PRKCB: variants seen among roughly 807,000 people sequenced by gnomAD.
PRKCB encodes the protein protein kinase C beta type.
In PRKCB, 13 loss-of-function variants were observed where a neutral mutation model predicts 81.5. The ratio of observed to expected loss-of-function variants is 0.16; its 90% CI spans 0.10 to 0.25. The LOEUF (loss-of-function observed/expected upper bound fraction) is 0.25. Among genes scored for constraint, PRKCB ranks in the 10% least tolerant of loss-of-function variants. The probability of loss-of-function intolerance (pLI) is 1.00; values close to 1 mark genes in which losing one functional copy is unlikely to be tolerated. For synonymous variants in PRKCB, 335 were observed against 321.4 expected (o/e 1.04, Z -0.45); for missense variants, 509 against 875.7 (o/e 0.58, Z 5.29).
intron 7 of PRKCB, among the ~76,000 whole-genome samples, chr16:24,108,631 T>A (rs919065612): frequency 2.0e-5 from 3 of 149,964 alleles, no homozygotes; most frequent in Non-Finnish European, 3.0e-5. Context: ...CAACCCTGAG[T>A]GGACACAGCA....
chr16:24,154,041 A>T (rs1018589978), intron 9 of PRKCB, among the ~76,000 whole-genome samples: 2 of 152,260 alleles, frequency 1.3e-5, no homozygotes, highest in Non-Finnish European at 2.9e-5. Flanking sequence ...CTCTTGGGTT[A>T]CACCAGTAAA....
intron 7 of PRKCB, 145 bp downstream of exon 7, chr16:24,094,442 T>TCCA: frequency 8.5e-7 from 1 of 1,177,268 alleles, no homozygotes; most frequent in Non-Finnish European, 1.2e-6. Flanking sequence ...GCCTTGCAGA[T>TCCA]ATGTTTTGTT....
At position 24,020,621 on chromosome 16, in the gene PRKCB, G is replaced by C. The variant is rs1965345110; in HGVS notation, c.289-11515G>C. Among the ~76,000 whole-genome samples the C allele has an allele frequency of 2.0e-5, 3 of 152,204 alleles. No individual in the cohort carries two copies. In the South Asian group the frequency reaches 6.2e-4, roughly 31 times the overall value. On this transcript the variant is annotated intron_variant, in intron 3 of 16. Transcript: ENST00000643927. ...TTATGGCTGAGGAACCAGAGACTCA[G>C]GGTGGTTAAGTCACTTCCCTGAGGT...
intron 7 of PRKCB, among the ~76,000 whole-genome samples, chr16:24,095,123 T>C (rs1000626326): frequency 6.6e-6 from 1 of 152,156 alleles, no homozygotes; most frequent in South Asian, 2.1e-4. Flanking sequence ...CTAAACTACA[T>C]GATGAGACTG....
chr16:24,008,417 T>C (rs979768848), intron 3 of PRKCB, among the ~76,000 whole-genome samples: 2 of 152,248 alleles, frequency 1.3e-5, no homozygotes, highest in African/African-American at 4.8e-5. Context: ...CAGGATCAAA[T>C]TGGCCTCTTC....
intron 11 of PRKCB, among the ~76,000 whole-genome samples, chr16:24,173,061 G>A (rs760543228): frequency 4.6e-5 from 7 of 151,954 alleles, no homozygotes; most frequent in East Asian, 1.9e-4. Context: ...TTCTGACCCC[G>A]GTTTTTCTTT....
intron 5 of PRKCB, among the ~76,000 whole-genome samples, chr16:24,067,565 C>A (rs950583719): frequency 1.3e-5 from 2 of 152,140 alleles, no homozygotes; most frequent in African/African-American, 4.8e-5. Flanking sequence ...TGTCAAAGTG[C>A]TGAGATTACA....
Position 24,191,114 on chromosome 16 carries a change from C to T in PRKCB, c.1747C>T (p.Arg583Cys), listed in dbSNP as rs868049690. 1 of 1,613,990 alleles carries T rather than the reference C, an allele frequency of 6.2e-7. No individual in the cohort carries two copies. The highest frequency in any genetic ancestry group is 8.5e-7 in the Non-Finnish European group (1 of 1,179,922). Reference sequence around the variant, plus strand: ...GCTGATGACCAAACACCCAGGCAAACGTCTGGGTTGTGGACCTGAAGGCGA... The same window carrying T: ...GCTGATGACCAAACACCCAGGCAAATGTCTGGGTTGTGGACCTGAAGGCGA... ...KGLMTKHPGKRLGCGPEGERD... is the reference protein window; with the variant it reads ...KGLMTKHPGKCLGCGPEGERD... The change falls in exon 16 of 17, where the codon CGT (arginine) becomes TGT (cysteine). Residue 583 changes from arginine (R) to cysteine (C), a missense_variant. Around this residue, in one of 6 missense-constraint regions of PRKCB, gnomAD observed 104 missense variants for 160.5 expected, o/e 0.65. Transcript: ENST00000643927.
At chr16:23,879,595 G>A (rs989518811) in intron 2 of PRKCB, among the ~76,000 whole-genome samples, 3 of 144,732 alleles carry the variant, frequency 2.1e-5, no homozygotes, top group Non-Finnish European at 4.5e-5. Context: ...CCCAGTTCAA[G>A]TGATTCTCCA....
At chr16:23,859,899 A>AAG (rs1962635048) in intron 2 of PRKCB, among the ~76,000 whole-genome samples, 1 of 114,826 alleles carries the variant, frequency 8.7e-6, no homozygotes, top group African/African-American at 3.2e-5. Flanking sequence ...GAGAGAGAGA[A>AAG]AGAGAGAGAG....
At chr16:24,008,798 G>A (rs1402474587) in intron 3 of PRKCB, among the ~76,000 whole-genome samples, 2 of 152,104 alleles carry the variant, frequency 1.3e-5, no homozygotes, top group East Asian at 3.9e-4. Flanking sequence ...AGATCTCTGG[G>A]GCTTATTCAT....
intron 4 of PRKCB, among the ~76,000 whole-genome samples, chr16:24,034,158 C>T: frequency 6.6e-6 from 1 of 152,182 alleles, no homozygotes; most frequent in East Asian, 1.9e-4. Context: ...ACACATGGGG[C>T]CCTAATATAG....
chr16:24,019,628 G>A (rs879530215), intron 3 of PRKCB, among the ~76,000 whole-genome samples: 1 of 152,062 alleles, frequency 6.6e-6, no homozygotes, highest in Non-Finnish European at 1.5e-5. Context: ...GCTAGGCATG[G>A]TAGCGTGCAC....
At chr16:24,113,790 T>A (rs1966706694) in intron 8 of PRKCB, among the ~76,000 whole-genome samples, 1 of 152,136 alleles carries the variant, frequency 6.6e-6, no homozygotes, top group Admixed American at 6.5e-5. Context: ...CCCAATTAAA[T>A]GCCCTTGCCT....
In PRKCB at chr16:24,216,313, C is replaced by T. The variant is rs1968227560; in HGVS notation, c.*1497C>T. On this transcript the variant is annotated 3_prime_UTR_variant, in exon 17 of 17. Transcript: ENST00000643927. ...TTCTTATCAAAATCACCACTCCTCC[C>T]AGCTTGGACTAAATATTCTTTCTAG... 2.0e-6 allele frequency: 2 copies of T among 985,294 alleles called. No homozygotes were observed. Among genetic ancestry groups the T allele is most frequent in the African/African-American group, 1.7e-5 (1 of 57,224 alleles). The allele number at this position is 985,294 out of a possible 1,614,324, so 61.0% of individuals were successfully genotyped here.
intron 2 of PRKCB, among the ~76,000 whole-genome samples, chr16:23,870,957 C>T (rs1261449040): frequency 2.0e-5 from 3 of 152,194 alleles, no homozygotes; most frequent in Non-Finnish European, 4.4e-5. Flanking sequence ...TGTGTGTTAG[C>T]TGGAGCAATA....
rs1266798276 is a variant in PRKCB, at chr16:23,988,590, T to C, written c.288T>C (p.Asp96=). 3 of 1,613,516 alleles carry C rather than the reference T, an allele frequency of 1.9e-6. No homozygotes were observed. The highest frequency in any genetic ancestry group is 1.1e-5 in the South Asian group (1 of 91,070). ...CPGADKGPAS[D]DPRSKHKFKI... is the part of the protein sequence containing the mutation. ...GCGCTGACAAGGGTCCAGCCTCCGA[T>C]GTAAGTAATGGGCATCGATTGCTTT... is the stretch of plus-strand genomic sequence containing the variant. Residue 96 remains aspartate, a splice_region_variant and synonymous_variant, in exon 3 of 17, where the codon GAT becomes GAC. Transcript: ENST00000643927.
At chr16:24,105,727 T>C (rs1966568323) in intron 7 of PRKCB, among the ~76,000 whole-genome samples, 1 of 152,204 alleles carries the variant, frequency 6.6e-6, no homozygotes, top group Non-Finnish European at 1.5e-5. Context: ...TATGGCTGCA[T>C]AGTATTCCAT....
Position 24,216,430 on chromosome 16 carries a change from TC to T in PRKCB, c.*1619del. 1 of 985,332 alleles carries T rather than the reference TC, an allele frequency of 1.0e-6. No individual in the cohort carries two copies. Among genetic ancestry groups the T allele is most frequent in the Non-Finnish European group, 1.2e-6 (1 of 829,902 alleles). 61.0% of individuals were successfully genotyped at this position (985,332 alleles called of 1,614,324 possible). A position where few individuals can be genotyped will look rare whatever the true frequency, so the allele number is the denominator to read the frequency against. ...TGAGAGGATTAAGGCAGCAGGTGAC[TC>T]CCCCTCCTCGCCTGCCGTGTCCTGC... On this transcript the variant is annotated 3_prime_UTR_variant, in exon 17 of 17. Transcript: ENST00000643927.
Sources: gnomAD v4.1 joint callset for allele counts (sites outside exome capture counted in the v4.1 genomes callset) on GRCh38, gnomAD v4.1.1 for gene constraint, gnomAD v4.1.1 regional missense constraint, MANE v1.5 for transcripts, NCBI Gene and HGNC (gene_info 2026-07-23, HGNC 2026-07-21) for gene names.